DGKI: variants seen among roughly 807,000 people sequenced by gnomAD.
The protein encoded by DGKI is DAG kinase iota.
A neutral mutation model predicts 147.5 loss-of-function variants in DGKI; 55 were observed. That is an observed-to-expected ratio of 0.37 (90% CI 0.30 to 0.47). The LOEUF is 0.47. Ranked by LOEUF, DGKI falls within the 20% of genes least tolerant of loss-of-function variation. The pLI, the probability that DGKI is intolerant of heterozygous loss-of-function variation, is 1.00. For synonymous variants in DGKI, 469 were observed against 477.1 expected, an observed-to-expected ratio of 0.98 and a Z score of 0.22; for missense variants, 1,007 against 1,323.8, an observed-to-expected ratio of 0.76 and a Z score of 3.71.
intron 7 of DGKI, among the ~76,000 whole-genome samples, chr7:137,620,155 A>G (rs1340619863): frequency 6.6e-6 from 1 of 152,078 alleles, no homozygotes; most frequent in Non-Finnish European, 1.5e-5. Flanking sequence ...AGCCAGCCCC[A>G]GGAGCTTAGA....
At chr7:137,790,777 A>T (rs1796826880) in intron 1 of DGKI, among the ~76,000 whole-genome samples, 1 of 152,158 alleles carries the variant, frequency 6.6e-6, no homozygotes, top group Admixed American at 6.5e-5. Flanking sequence ...TCACCTGGAA[A>T]ATGGGTATAA....
chr7:137,412,291 T>TCC, intron 28 of DGKI, 84 bp from the exon 29 acceptor site: 3 of 1,284,466 alleles, frequency 2.3e-6, no homozygotes, highest in South Asian at 1.2e-5. Flanking sequence ...ATATTTTGGA[T>TCC]AAGTAGTCTA....
chr7:137,578,719 G>A (rs1819073228), intron 15 of DGKI, among the ~76,000 whole-genome samples: 1 of 152,128 alleles, frequency 6.6e-6, no homozygotes, highest in South Asian at 2.1e-4. Flanking sequence ...AAAAATTGGA[G>A]GGTTTCCAGG....
intron 19 of DGKI, among the ~76,000 whole-genome samples, 184 bp from the exon 20 acceptor site, chr7:137,552,752 T>TCAAAA (rs777780004): frequency 1.6e-5 from 2 of 121,282 alleles, no homozygotes; most frequent in African/African-American, 6.0e-5. Context: ...CTACTAAAAA[T>TCAAAA]ACAAAAAAAA....
intron 27 of DGKI, among the ~76,000 whole-genome samples, chr7:137,455,862 T>C (rs1161622570): frequency 6.6e-6 from 1 of 152,106 alleles, no homozygotes; most frequent in Non-Finnish European, 1.5e-5. Context: ...ACACTGAACA[T>C]GGTAAGTGAT....
At chr7:137,751,363 T>C (rs778689282) in intron 1 of DGKI, among the ~76,000 whole-genome samples, 1 of 152,234 alleles carries the variant, frequency 6.6e-6, no homozygotes, top group African/African-American at 2.4e-5. Context: ...TATTGGGCAG[T>C]TAACTCTCTG....
chr7:137,507,566 G>C (rs1164612165), intron 21 of DGKI, among the ~76,000 whole-genome samples: 1 of 152,076 alleles, frequency 6.6e-6, no homozygotes, highest in Non-Finnish European at 1.5e-5. Context: ...TCATTAATTT[G>C]GTAAATATAT....
intron 6 of DGKI, among the ~76,000 whole-genome samples, chr7:137,626,426 C>T (rs542431896): frequency 6.6e-6 from 1 of 152,174 alleles, no homozygotes; most frequent in East Asian, 1.9e-4. Flanking sequence ...CAACAACCCC[C>T]ACAGTCCCCA....
chr7:137,422,007 G>A (rs1182753663), intron 28 of DGKI, among the ~76,000 whole-genome samples: 1 of 152,156 alleles, frequency 6.6e-6, no homozygotes, highest in Non-Finnish European at 1.5e-5. Context: ...GTGTTTGTTA[G>A]TTGCATCTAG....
chr7:137,491,225 A>G (rs189927709), intron 21 of DGKI, among the ~76,000 whole-genome samples: 21 of 152,280 alleles, frequency 1.4e-4, no homozygotes, highest in Non-Finnish European at 2.6e-4. Flanking sequence ...GAAGCACTGG[A>G]TGTTAGATCA....
intron 15 of DGKI, among the ~76,000 whole-genome samples, chr7:137,581,142 ATGT>A (rs2128981063): frequency 6.6e-6 from 1 of 152,258 alleles, no homozygotes; most frequent in South Asian, 2.1e-4. Flanking sequence ...GCATGAGAAA[ATGT>A]TGATGAAATA....
chr7:137,488,340 A>G (rs552085009), intron 21 of DGKI, among the ~76,000 whole-genome samples: 6 of 152,264 alleles, frequency 3.9e-5, no homozygotes, highest in African/African-American at 1.4e-4. Context: ...AGGATGGCCA[A>G]TGTAAGAGTG....
At chr7:137,444,200 A>G (rs986002216) in intron 27 of DGKI, 98 bp from the exon 28 acceptor site, 5 of 752,694 alleles carry the variant, frequency 6.6e-6, no homozygotes, top group Non-Finnish European at 1.1e-5. Context: ...ATTGAATTAA[A>G]TGGAAAGTCA....
At chr7:137,662,781 G>C (rs965427430) in intron 3 of DGKI, among the ~76,000 whole-genome samples, 1 of 152,184 alleles carries the variant, frequency 6.6e-6, no homozygotes, top group Non-Finnish European at 1.5e-5. Flanking sequence ...CATTTGTAAA[G>C]ACTCCATGTG....
chr7:137,782,868 G>A (rs115254222), intron 1 of DGKI, among the ~76,000 whole-genome samples: 2 of 152,140 alleles, frequency 1.3e-5, no homozygotes, highest in African/African-American at 4.8e-5. Flanking sequence ...GCTCCACTGG[G>A]TGGCTAGCAA....
chr7:137,625,069 A>G (rs914037559), intron 6 of DGKI, among the ~76,000 whole-genome samples: 3 of 152,198 alleles, frequency 2.0e-5, no homozygotes, highest in Non-Finnish European at 4.4e-5. Flanking sequence ...CTGGGTTTTG[A>G]AAAATGTATC....
At chr7:137,496,873 T>C (rs533314022) in intron 21 of DGKI, among the ~76,000 whole-genome samples, 1 of 152,218 alleles carries the variant, frequency 6.6e-6, no homozygotes, top group Admixed American at 6.5e-5. Flanking sequence ...AATATCATTC[T>C]GGACATAAGA....
At chr7:137,462,316 G>C (rs1814476097) in intron 27 of DGKI, among the ~76,000 whole-genome samples, 1 of 152,034 alleles carries the variant, frequency 6.6e-6, no homozygotes, top group South Asian at 2.1e-4. Flanking sequence ...AAAAGGAAAT[G>C]GAAAACATCC....
Position 137,613,755 on chromosome 7 carries a change from T to A in DGKI, c.994-4146A>T, listed in dbSNP as rs562846576. On this transcript the variant is annotated intron_variant, in intron 8 of 32. Coordinates refer to ENST00000614521, the MANE Select transcript of DGKI (RefSeq NM_001321708.2). ...GGATATATCCACAGCATGGGATACA[T>A]ACAGCAATTTAAAAAATGAGTTAAG... is the stretch of plus-strand genomic sequence containing the variant. 2.6e-5 allele frequency among the ~76,000 whole-genome samples: 4 copies of A among 152,142 alleles called. No homozygotes were observed. In the South Asian group the frequency reaches 8.3e-4, roughly 32 times the overall value.
Sources: allele counts gnomAD v4.1 joint callset (sites outside exome capture counted in the v4.1 genomes callset), GRCh38; gene constraint gnomAD v4.1.1; transcripts MANE v1.5; gene names NCBI Gene and HGNC (gene_info 2026-07-23, HGNC 2026-07-21).